The following ABCA13 variants were observed in gnomAD, a reference collection of about 807,000 sequenced individuals.
ABCA13 encodes ATP-binding cassette sub-family A member 13.
In ABCA13, 476 loss-of-function variants were observed where a neutral mutation model predicts 478.7. The ratio of observed to expected loss-of-function variants is 0.99; its 90% confidence interval spans 0.92 to 1.07. The LOEUF is 1.07. Ranked by LOEUF, ABCA13 falls within the 50% of genes least tolerant of loss-of-function variation. The pLI, the probability that ABCA13 is intolerant of heterozygous loss-of-function variation, is 0.00. For synonymous variants in ABCA13, 2,252 were observed against 2,158.9 expected (o/e 1.04, Z -1.20); for missense variants, 6,060 against 5,910.6 (o/e 1.03, Z -0.83).
intron 55 of ABCA13, among the ~76,000 whole-genome samples, chr7:48,539,278 A>G (rs906734572): frequency 1.3e-4 from 20 of 152,060 alleles, no homozygotes; most frequent in African/African-American, 4.6e-4. Flanking sequence ...ATTAAAATAT[A>G]AAACTAAAAA....
rs1796303564 is a variant in ABCA13 at position 48,276,338 on chromosome 7, T to C, written c.6672T>C (p.Ala2224=). 1 of 1,558,864 alleles carries C rather than the reference T, an allele frequency of 6.4e-7. No homozygotes were observed. The highest frequency in any genetic ancestry group is 1.4e-5 in the African/African-American group (1 of 73,428). The change falls in exon 17 of 62, where the codon GCT becomes GCC. Residue 2224 remains alanine, a synonymous_variant. Transcript: ENST00000435803. The part of the protein sequence containing the change: ...NNLAGNSQEA[A]WNLNDTDLQI... ...TAGCTGGGAATTCTCAGGAAGCAGC[T>C]TGGAACTTAAATGATACTGACCTTC... is the stretch of plus-strand genomic sequence containing the variant.
Position 48,227,282 on chromosome 7 carries a change from G to A in ABCA13, c.489G>A (p.Glu163=). 6.2e-7 allele frequency: 1 copy of A among 1,613,706 alleles called. No individual in the cohort carries two copies. Among genetic ancestry groups the A allele is most frequent in the Non-Finnish European group, 8.5e-7 (1 of 1,179,844 alleles). Residue 163 remains glutamate (E), a synonymous_variant, in exon 6 of 62, where the codon GAG becomes GAA. Transcript: ENST00000435803. ...ATCAGATGGATCTCAATAAGACCGA[G>A]GAGGTAATATTGAAACTGGAAAGCC... ...SFFTMDLNKT[E]EVILKLESLH...
chr7:48,284,885 T>C (rs1266026999), intron 19 of ABCA13, among the ~76,000 whole-genome samples: 1 of 152,144 alleles, frequency 6.6e-6, no homozygotes, highest in Non-Finnish European at 1.5e-5. Flanking sequence ...TGTGGGCAAA[T>C]AGCCCCTCCT....
intron 38 of ABCA13, among the ~76,000 whole-genome samples, chr7:48,398,456 T>C (rs1585152859): frequency 6.6e-6 from 1 of 152,194 alleles, no homozygotes; most frequent in Non-Finnish European, 1.5e-5. Context: ...TGCAAACATC[T>C]GATTTAGATC....
intron 56 of ABCA13, among the ~76,000 whole-genome samples, chr7:48,585,227 C>T (rs1789068874): frequency 6.6e-6 from 1 of 152,114 alleles, no homozygotes; most frequent in East Asian, 1.9e-4. Flanking sequence ...TTAAAATTCA[C>T]TTAAGTGAAT....
At chr7:48,388,949 AT>A in intron 36 of ABCA13, 90 bp from the exon 37 acceptor site, 1 of 1,453,902 alleles carries the variant, frequency 6.9e-7, no homozygotes, top group Non-Finnish European at 9.4e-7. Context: ...CTGGAATTCA[AT>A]TTCAAAGCAG....
intron 48 of ABCA13, among the ~76,000 whole-genome samples, chr7:48,493,662 A>G (rs557933698): frequency 6.6e-6 from 1 of 152,346 alleles, no homozygotes; most frequent in East Asian, 1.9e-4. Flanking sequence ...AAATGCCACC[A>G]TGTGGGAGGA....
intron 37 of ABCA13, among the ~76,000 whole-genome samples, chr7:48,391,655 G>A (rs112230782): frequency 0.016 from 2,439 of 152,082 alleles, 74 homozygotes; most frequent in African/African-American, 0.056. Context: ...ACTTTTTATG[G>A]GTTTATTGGG....
intron 1 of ABCA13, among the ~76,000 whole-genome samples, chr7:48,182,076 T>C (rs986012710): frequency 1.3e-5 from 2 of 152,100 alleles, no homozygotes; most frequent in Admixed American, 1.3e-4. Context: ...AGGCTGTAGC[T>C]TTCCATAGAG....
At chr7:48,525,289 G>C (rs1585701282) in intron 54 of ABCA13, among the ~76,000 whole-genome samples, 1 of 152,044 alleles carries the variant, frequency 6.6e-6, no homozygotes, top group Non-Finnish European at 1.5e-5. Flanking sequence ...CTCTAAGACT[G>C]GCTATGCAAT....
chr7:48,568,592 G>A (rs1787308533), intron 55 of ABCA13, among the ~76,000 whole-genome samples: 1 of 151,952 alleles, frequency 6.6e-6, no homozygotes, highest in Non-Finnish European at 1.5e-5. Flanking sequence ...CATGTCTTTA[G>A]TTGTGGTATC....
intron 2 of ABCA13, among the ~76,000 whole-genome samples, chr7:48,195,514 G>C (rs1381337401): frequency 6.6e-6 from 1 of 152,180 alleles, no homozygotes; most frequent in Non-Finnish European, 1.5e-5. Flanking sequence ...GGAGGCCTTT[G>C]ACTGGAACAG....
intron 59 of ABCA13, among the ~76,000 whole-genome samples, chr7:48,616,470 G>A (rs1295236892): frequency 6.6e-6 from 1 of 152,148 alleles, no homozygotes; most frequent in Non-Finnish European, 1.5e-5. Context: ...ATTCTTGATT[G>A]TTGGGTGATT....
At chr7:48,338,622 A>G (rs1806643727) in intron 29 of ABCA13, among the ~76,000 whole-genome samples, 167 bp downstream of exon 29, 1 of 152,010 alleles carries the variant, frequency 6.6e-6, no homozygotes, top group Non-Finnish European at 1.5e-5. Flanking sequence ...TGAACTAAAT[A>G]CTCCCCAAAG....
intron 29 of ABCA13, among the ~76,000 whole-genome samples, chr7:48,344,478 A>G (rs1563089488): frequency 1.3e-5 from 2 of 152,212 alleles, no homozygotes; most frequent in East Asian, 3.8e-4. Flanking sequence ...ATGGTGAACA[A>G]TCGTTAACTT....
intron 43 of ABCA13, among the ~76,000 whole-genome samples, chr7:48,464,736 TG>T (rs111402019): frequency 0.19 from 28,329 of 152,080 alleles, 3,075 homozygotes; most frequent in African/African-American, 0.29. Flanking sequence ...TATCACAACT[TG>T]GTTCGACACA....
At chr7:48,587,133 A>G (rs1352715098) in intron 56 of ABCA13, 21 bp from the exon 57 acceptor site, 4 of 1,612,516 alleles carry the variant, frequency 2.5e-6, no homozygotes, top group African/African-American at 1.3e-5. Flanking sequence ...TGGTGTGCAC[A>G]TGGACATGCC....
At chr7:48,488,455 C>T (rs1282414532) in intron 47 of ABCA13, among the ~76,000 whole-genome samples, 1 of 152,044 alleles carries the variant, frequency 6.6e-6, no homozygotes, top group African/African-American at 2.4e-5. Flanking sequence ...TGAATAGGTT[C>T]CCCCAAGCCT....
chr7:48,342,617 C>G (rs1320055670), intron 29 of ABCA13, among the ~76,000 whole-genome samples: 1 of 152,048 alleles, frequency 6.6e-6, no homozygotes, highest in Non-Finnish European at 1.5e-5. Context: ...GGCCAAATAT[C>G]TTATATTTGG....
Sources: gnomAD v4.1 joint callset for allele counts (sites outside exome capture counted in the v4.1 genomes callset) on GRCh38, gnomAD v4.1.1 for gene constraint, MANE v1.5 for transcripts, NCBI Gene and HGNC (gene_info 2026-07-23, HGNC 2026-07-21) for gene names.